Variants in OSTN observed in about 807,000 individuals in gnomAD.
OSTN encodes osteocrin.
Under a neutral mutation model 12.0 loss-of-function variants are expected in OSTN, and 9 were observed. The observed-to-expected ratio is 0.75, with a 90% confidence interval of 0.45 to 1.30. The LOEUF is 1.30. OSTN is among the 50% of genes most tolerant of loss of function. The pLI is 0.00. For missense variants in OSTN, 148 were observed against 152.3 expected, an observed-to-expected ratio of 0.97 and a Z score of 0.15; for synonymous variants, 59 against 56.9, an observed-to-expected ratio of 1.04 and a Z score of -0.16.
intron 1 of OSTN, among the ~76,000 whole-genome samples, 174 bp downstream of exon 1, chr3:191,199,481 A>T (rs1278529804): frequency 6.6e-6 from 1 of 152,114 alleles, no homozygotes; most frequent in Non-Finnish European, 1.5e-5. Context: ...ATGCAAACTT[A>T]AGGTAGAACT....
rs1274625395 is a variant in OSTN at position 191,262,868 on chromosome 3, G to C, written c.*15G>C. 4 of 702,064 alleles carry C rather than the reference G, an allele frequency of 5.7e-6. No homozygotes were observed. Among genetic ancestry groups the C allele is most frequent in the Non-Finnish European group, 5.2e-6 (2 of 384,492 alleles). The allele number at this position is 702,064 out of a possible 1,614,324, so 43.5% of individuals were successfully genotyped here. A position where few individuals can be genotyped will look rare whatever the true frequency, so the allele number is the denominator to read the frequency against. ...AATCTCAACTTTCGTTTTTGCAGAT[G>C]CAACTTCCTTGGGTGAAATGTCACA... is the stretch of plus-strand genomic sequence containing the variant. On this transcript the variant is annotated splice_region_variant and 3_prime_UTR_variant, in exon 5 of 5. Transcript: ENST00000682035.
intron 3 of OSTN, among the ~76,000 whole-genome samples, chr3:191,241,252 T>C (rs945787284): frequency 2.1e-5 from 3 of 142,006 alleles, no homozygotes; most frequent in Non-Finnish European, 3.0e-5. Context: ...GATCTCGGCT[T>C]ACTGCAAGTT....
At chr3:191,203,839 A>C (rs1315068766) in intron 1 of OSTN, among the ~76,000 whole-genome samples, 1 of 152,176 alleles carries the variant, frequency 6.6e-6, no homozygotes, top group Non-Finnish European at 1.5e-5. Context: ...GCTACTGCCA[A>C]TTGAAGAGCA....
rs1242749752 is a variant in OSTN, at chr3:191,212,875, T to TC, written c.102+241_102+242insC. Among the ~76,000 whole-genome samples, 277 of 130,498 alleles carry TC rather than the reference T, an allele frequency of 2.1e-3. 1 individual carries two copies. Among genetic ancestry groups the TC allele is most frequent in the African/African-American group, 8.2e-3 (272 of 33,028 alleles). 85.6% of individuals were successfully genotyped at this position (130,498 alleles called of 152,430 possible). A position where few individuals can be genotyped will look rare whatever the true frequency, so the allele number is the denominator to read the frequency against. ...TTCCTTTTCTTTTCTTTCTTTTTTT[T>TC]TTTTTTTTTTTTTGAGACAGAGTCT... On this transcript the variant is annotated intron_variant, in intron 2 of 4. Coordinates refer to ENST00000682035, the MANE Select transcript of OSTN (RefSeq NM_198184.2).
chr3:191,222,642 G>T (rs1714796596), intron 3 of OSTN, among the ~76,000 whole-genome samples: 1 of 152,144 alleles, frequency 6.6e-6, no homozygotes, highest in Admixed American at 6.6e-5. Flanking sequence ...TGGGACTGCT[G>T]GGAAGGGATG....
chr3:191,206,798 G>C (rs1378944873), intron 1 of OSTN, among the ~76,000 whole-genome samples: 1 of 152,204 alleles, frequency 6.6e-6, no homozygotes. Flanking sequence ...CAGACTTTGT[G>C]TTAAGCACTG....
chr3:191,207,803 ATGACAAAATTTTATACCTCC>A (rs1714315817), intron 1 of OSTN, among the ~76,000 whole-genome samples: 1 of 152,150 alleles, frequency 6.6e-6, no homozygotes, highest in Non-Finnish European at 1.5e-5. Flanking sequence ...CCAAACATAA[ATGACAAAATTTTATACCTCC>A]TGACAAAACT....
chr3:191,255,290 A>G (rs1363120751), intron 4 of OSTN, among the ~76,000 whole-genome samples: 2 of 152,254 alleles, frequency 1.3e-5, no homozygotes, highest in South Asian at 4.1e-4. Context: ...TGTGTGGCTC[A>G]GTTCCTAACA....
chr3:191,211,226 G>T (rs557725521), intron 1 of OSTN, among the ~76,000 whole-genome samples: 1 of 152,084 alleles, frequency 6.6e-6, no homozygotes, highest in South Asian at 2.1e-4. Flanking sequence ...TCAGTAAATG[G>T]TATAATGTCA....
chr3:191,214,197 G>T (rs1414198261), intron 2 of OSTN, among the ~76,000 whole-genome samples: 3 of 152,090 alleles, frequency 2.0e-5, no homozygotes, highest in Non-Finnish European at 4.4e-5. Context: ...AAGCAGTAAA[G>T]AGGACTTCAT....
At position 191,218,853 on chromosome 3, in the gene OSTN, C is replaced by A; in HGVS notation, c.209C>A (p.Ser70Tyr). 6.2e-7 allele frequency: 1 copy of A among 1,614,016 alleles called. No homozygotes were observed. Among genetic ancestry groups the A allele is most frequent in the Non-Finnish European group, 8.5e-7 (1 of 1,179,978 alleles). ...CTCTTGCTTCTTGATGAATTGGTGT[C>A]CCTAGAAAATGATGTGATTGAGACA... is the stretch of plus-strand genomic sequence containing the variant. The part of the protein sequence containing the change: ...AKLLLLDELV[S>Y]LENDVIETKK... Residue 70 changes from serine (S) to tyrosine (Y), a missense_variant, in exon 3 of 5, where the codon TCC becomes TAC. Physicochemically the swap from Ser to Tyr is moderately radical, Grantham distance 144. Transcript: ENST00000682035.
intron 4 of OSTN, among the ~76,000 whole-genome samples, chr3:191,259,135 G>A (rs1715742258): frequency 6.6e-6 from 1 of 151,958 alleles, no homozygotes; most frequent in Non-Finnish European, 1.5e-5. Context: ...CTTTTCCTGT[G>A]GTACCAAAAA....
At chr3:191,225,848 T>G (rs1485852071) in intron 3 of OSTN, among the ~76,000 whole-genome samples, 3 of 151,132 alleles carry the variant, frequency 2.0e-5, no homozygotes, top group East Asian at 3.9e-4. Flanking sequence ...GAGAGAGGAG[T>G]TGATAAACTA....
chr3:191,256,211 C>T (rs143418676), intron 4 of OSTN, among the ~76,000 whole-genome samples: 96 of 152,028 alleles, frequency 6.3e-4, no homozygotes, highest in African/African-American at 2.2e-3. Flanking sequence ...ATTTCAGGAA[C>T]CTCATACAAT....
At chr3:191,202,562 C>A (rs1018725966) in intron 1 of OSTN, among the ~76,000 whole-genome samples, 6 of 152,218 alleles carry the variant, frequency 3.9e-5, no homozygotes, top group African/African-American at 1.2e-4. Context: ...TGTTGGCTAG[C>A]TTAATGTAAT....
In OSTN at chr3:191,216,368, C is replaced by T. The variant is rs568195056; in HGVS notation, c.103-2379C>T. On this transcript the variant is annotated intron_variant, in intron 2 of 4. Transcript: ENST00000682035. The stretch of plus-strand genomic sequence containing the variant: ...ATCTGACATGCCATGGAGACATTTT[C>T]CCCATTGTCTTAGCAATTAGCATTT... Among the ~76,000 whole-genome samples, 3 of 152,198 alleles carry T rather than the reference C, an allele frequency of 2.0e-5. No homozygotes were observed. In the East Asian group the frequency reaches 5.8e-4, roughly 29 times the overall value.
chr3:191,201,444 T>C (rs1714150522), intron 1 of OSTN, among the ~76,000 whole-genome samples: 1 of 152,176 alleles, frequency 6.6e-6, no homozygotes, highest in Non-Finnish European at 1.5e-5. Flanking sequence ...TACCTAAGGC[T>C]ATAAATATGT....
In OSTN at chr3:191,264,226, TAAACTC is replaced by T. The variant is rs1429422304; in HGVS notation, c.*1377_*1382del. On this transcript the variant is annotated 3_prime_UTR_variant, in exon 5 of 5. Transcript: ENST00000682035. Reference sequence around the variant, plus strand: ...GACTTGTATGATCCAAAGAATAAAATAAACTCAAAGAAACATAACAAAAATATATTA... The same window carrying T: ...GACTTGTATGATCCAAAGAATAAAATAAAGAAACATAACAAAAATATATTA... 1 of 151,914 alleles carries T rather than the reference TAAACTC, an allele frequency of 6.6e-6. No homozygotes were observed. The highest frequency in any genetic ancestry group is 1.5e-5 in the Non-Finnish European group (1 of 67,932). The allele number at this position is 151,914 out of a possible 1,614,324, so 9.4% of individuals were successfully genotyped here. A position where few individuals can be genotyped will look rare whatever the true frequency, so the allele number is the denominator to read the frequency against.
intron 3 of OSTN, among the ~76,000 whole-genome samples, chr3:191,246,140 T>C (rs1418896975): frequency 1.3e-5 from 2 of 150,948 alleles, no homozygotes; most frequent in Non-Finnish European, 1.5e-5. Flanking sequence ...CTAAAGGGAG[T>C]TTGGGGAATC....
Sources: allele counts gnomAD v4.1 joint callset (sites outside exome capture counted in the v4.1 genomes callset), GRCh38; gene constraint gnomAD v4.1.1; transcripts MANE v1.5; gene names NCBI Gene and HGNC (gene_info 2026-07-23, HGNC 2026-07-21).